Variants in DOCK1 observed in about 807,000 individuals in gnomAD.
DOCK1 encodes dedicator of cytokinesis protein 1.
A neutral mutation model predicts 262.7 loss-of-function variants in DOCK1; 138 were observed. That is an observed-to-expected ratio of 0.53 (90% CI 0.46 to 0.61). DOCK1 has a LOEUF of 0.61. Among genes scored for constraint, DOCK1 ranks in the 20% least tolerant of loss-of-function variants. DOCK1 has a pLI of 0.00. For synonymous variants in DOCK1, 866 were observed against 867.4 expected, an observed-to-expected ratio of 1.00 and a Z score of 0.03; for missense variants, 1,908 against 2,370.7, an observed-to-expected ratio of 0.80 and a Z score of 4.05.
At chr10:127,387,766 T>G (rs2066212548) in intron 38 of DOCK1, among the ~76,000 whole-genome samples, 1 of 152,102 alleles carries the variant, frequency 6.6e-6, no homozygotes, top group Non-Finnish European at 1.5e-5. Context: ...GAATGAAAAG[T>G]CAGCATTTAA....
At chr10:126,918,496 A>G (rs894032695) in intron 1 of DOCK1, among the ~76,000 whole-genome samples, 6 of 152,210 alleles carry the variant, frequency 3.9e-5, no homozygotes, top group African/African-American at 9.6e-5. Flanking sequence ...CACTGTTGAC[A>G]TTCTGGGCAG....
At chr10:127,008,940 C>A in intron 11 of DOCK1, 136 bp downstream of exon 11, 1 of 886,972 alleles carries the variant, frequency 1.1e-6, no homozygotes, top group Non-Finnish European at 1.7e-6. Flanking sequence ...CCTCTTTAGT[C>A]ACTGCTGTAG....
At chr10:127,182,908 A>T (rs2055869268) in intron 27 of DOCK1, among the ~76,000 whole-genome samples, 1 of 152,066 alleles carries the variant, frequency 6.6e-6, no homozygotes, top group South Asian at 2.1e-4. Flanking sequence ...ATGAAGCAAC[A>T]ATCAGCTGGT....
At chr10:126,908,394 G>A (rs1207989847) in intron 1 of DOCK1, among the ~76,000 whole-genome samples, 1 of 152,172 alleles carries the variant, frequency 6.6e-6, no homozygotes, top group Non-Finnish European at 1.5e-5. Context: ...CCCTGGAGGC[G>A]CTCTGGTGGC....
chr10:127,331,225 C>G (rs913801772), intron 29 of DOCK1, among the ~76,000 whole-genome samples: 2 of 152,282 alleles, frequency 1.3e-5, no homozygotes, highest in East Asian at 1.9e-4. Context: ...GGTCCAACCT[C>G]CCATCTCTTC....
At chr10:127,422,679 G>A (rs2068587566) in intron 46 of DOCK1, among the ~76,000 whole-genome samples, 1 of 152,160 alleles carries the variant, frequency 6.6e-6, no homozygotes, top group African/African-American at 2.4e-5. Flanking sequence ...TGGATTGTAA[G>A]CCTCATGTAG....
chr10:127,051,974 T>A (rs936826883), intron 21 of DOCK1, among the ~76,000 whole-genome samples: 24 of 152,182 alleles, frequency 1.6e-4, no homozygotes, highest in Middle Eastern at 3.4e-3. Flanking sequence ...ATGAAAAAAA[T>A]TTTTGTGTCT....
chr10:127,444,336 C>T, intron 50 of DOCK1, 57 bp downstream of exon 50: 1 of 1,522,716 alleles, frequency 6.6e-7, no homozygotes, highest in Non-Finnish European at 8.8e-7. Flanking sequence ...CTTCCCCTCA[C>T]TGAAGGCTCT....
intron 2 of DOCK1, among the ~76,000 whole-genome samples, chr10:126,975,523 C>G (rs1164778296): frequency 2.0e-5 from 3 of 152,198 alleles, no homozygotes; most frequent in Admixed American, 2.0e-4. Flanking sequence ...GTGTACTTTT[C>G]ATTTCTCTGA....
intron 27 of DOCK1, among the ~76,000 whole-genome samples, chr10:127,198,065 C>T (rs917155454): frequency 2.0e-5 from 3 of 152,164 alleles, no homozygotes; most frequent in African/African-American, 7.2e-5. Flanking sequence ...AACTCAGATC[C>T]CCCAAGCTGA....
intron 46 of DOCK1, among the ~76,000 whole-genome samples, chr10:127,425,036 G>T (rs949846776): frequency 6.6e-6 from 1 of 151,172 alleles, no homozygotes; most frequent in Non-Finnish European, 1.5e-5. Context: ...ACTTATTATC[G>T]TTCATACTAA....
At chr10:127,239,695 T>C (rs1313489443) in intron 27 of DOCK1, among the ~76,000 whole-genome samples, 1 of 152,172 alleles carries the variant, frequency 6.6e-6, no homozygotes, top group Non-Finnish European at 1.5e-5. Context: ...GTTTCTATTA[T>C]AGTGTGTTTT....
chr10:127,315,250 C>G lies in DOCK1; in HGVS notation c.3045-23756C>G, dbSNP rs2062226115. Among the ~76,000 whole-genome samples, 2 of 152,194 alleles carry G rather than the reference C, an allele frequency of 1.3e-5. 1 individual carries two copies. Among genetic ancestry groups the G allele is most frequent in the South Asian group, 4.1e-4 (2 of 4,830 alleles). On this transcript the variant is annotated intron_variant, in intron 29 of 51. Coordinates refer to ENST00000623213, the MANE Select transcript of DOCK1 (RefSeq NM_001290223.2). ...AGAGCTATATCCACGGGAACCTGTTCTGTGGACTATTAAAAATCCAAAATT... is the reference window on the plus strand; with the variant it reads ...AGAGCTATATCCACGGGAACCTGTTGTGTGGACTATTAAAAATCCAAAATT...
intron 4 of DOCK1, among the ~76,000 whole-genome samples, chr10:126,985,947 T>G (rs919636822): frequency 6.6e-6 from 1 of 152,042 alleles, no homozygotes; most frequent in African/African-American, 2.4e-5. Context: ...CGGGTTCAAG[T>G]GATTCTCCTG....
chr10:127,307,248 C>T lies in DOCK1; in HGVS notation c.3045-31758C>T, dbSNP rs545592946. On this transcript the variant is annotated intron_variant, in intron 29 of 51. Transcript: ENST00000623213. ...TGAAGCTCCTTCCTGCTTTGGCCCA[C>T]AGTTGGGCAGCATTGTCCCCGGCCT... is the stretch of plus-strand genomic sequence containing the variant. Among the ~76,000 whole-genome samples the T allele has an allele frequency of 9.8e-5, 15 of 152,314 alleles. No homozygotes were observed. The South Asian group carries it at 1.9e-3, about 19-fold the overall frequency.
At chr10:127,249,968 C>T (rs2059569375) in intron 28 of DOCK1, among the ~76,000 whole-genome samples, 1 of 152,118 alleles carries the variant, frequency 6.6e-6, no homozygotes. Flanking sequence ...CTGTTTATAT[C>T]CCATGACTCT....
intron 25 of DOCK1, among the ~76,000 whole-genome samples, chr10:127,122,532 C>A (rs936010470): frequency 6.6e-6 from 1 of 152,026 alleles, no homozygotes; most frequent in Non-Finnish European, 1.5e-5. Context: ...AAGTAGACAT[C>A]GCCCCACCTC....
At chr10:127,234,753 A>C (rs1441683666) in intron 27 of DOCK1, among the ~76,000 whole-genome samples, 1 of 152,066 alleles carries the variant, frequency 6.6e-6, no homozygotes, top group Non-Finnish European at 1.5e-5. Flanking sequence ...TAGCAAAACC[A>C]TTTGAAAGCT....
chr10:126,991,863 TGCTGGACA>T (rs1269569126), intron 6 of DOCK1, among the ~76,000 whole-genome samples: 1 of 152,164 alleles, frequency 6.6e-6, no homozygotes, highest in African/African-American at 2.4e-5. Flanking sequence ...AGTTGGGTTG[TGCTGGACA>T]GCAGATTTGG....
Sources: allele counts gnomAD v4.1 joint callset (sites outside exome capture counted in the v4.1 genomes callset), GRCh38; gene constraint gnomAD v4.1.1; transcripts MANE v1.5; gene names NCBI Gene and HGNC (gene_info 2026-07-23, HGNC 2026-07-21).